TBC1D2: variants seen among roughly 807,000 people sequenced by gnomAD.
The protein encoded by TBC1D2 is TBC1 domain family member 2A.
Under a neutral mutation model 91.1 loss-of-function variants are expected in TBC1D2, and 58 were observed. The ratio of observed to expected loss-of-function variants is 0.64; its 90% confidence interval spans 0.52 to 0.79. The LOEUF (loss-of-function observed/expected upper bound fraction) is 0.79, where lower values mean the gene tolerates loss of function less well. Ranked by LOEUF, TBC1D2 falls within the 30% of genes least tolerant of loss-of-function variation. The pLI is 0.00. For synonymous variants in TBC1D2, 482 were observed against 511.5 expected, an observed-to-expected ratio of 0.94 and a Z score of 0.78; for missense variants, 1,080 against 1,208.3, an observed-to-expected ratio of 0.89 and a Z score of 1.57.
intron 5 of TBC1D2, among the ~76,000 whole-genome samples, chr9:98,224,035 T>TA (rs1262650396): frequency 6.6e-6 from 1 of 151,706 alleles, no homozygotes; most frequent in Admixed American, 6.6e-5. Context: ...CCGTCTCTAC[T>TA]AAAAATACAA....
At chr9:98,217,676 A>C (rs1275150461) in intron 6 of TBC1D2, among the ~76,000 whole-genome samples, 1 of 152,174 alleles carries the variant, frequency 6.6e-6, no homozygotes, top group East Asian at 1.9e-4. Context: ...AAAGCTAAAA[A>C]CTAAGGAACA....
At chr9:98,203,441 A>T in intron 9 of TBC1D2, 33 bp from the exon 10 acceptor site, 1 of 1,611,250 alleles carries the variant, frequency 6.2e-7, no homozygotes, top group Non-Finnish European at 8.5e-7. Context: ...GAGTGATTAC[A>T]GAAGCCGTGG....
In TBC1D2 at chr9:98,229,160, G is replaced by C. The variant is rs1292598112; in HGVS notation, c.782-12C>G. On this transcript the variant is annotated splice_polypyrimidine_tract_variant and intron_variant, in intron 4 of 12. Coordinates refer to ENST00000465784, the MANE Select transcript of TBC1D2 (RefSeq NM_001267571.2). ...CTCTGGCTCTCTCCCTGCTCAAGAG[G>C]AGAAACGCAGAAGTTATGACTGATG... The C allele has an allele frequency of 6.2e-7, 1 of 1,613,424 alleles. No individual in the cohort carries two copies. The highest frequency in any genetic ancestry group is 8.5e-7 in the Non-Finnish European group (1 of 1,179,650).
chr9:98,205,942 A>G (rs947579139), intron 9 of TBC1D2, among the ~76,000 whole-genome samples: 1 of 152,108 alleles, frequency 6.6e-6, no homozygotes, highest in Admixed American at 6.5e-5. Context: ...TAGAGCCTCC[A>G]AAAGAATACG....
chr9:98,245,776 T>C (rs982088771), intron 2 of TBC1D2, among the ~76,000 whole-genome samples: 1 of 152,148 alleles, frequency 6.6e-6, no homozygotes, highest in Non-Finnish European at 1.5e-5. Flanking sequence ...TATGTATTTA[T>C]CAAAAATAGA....
At chr9:98,204,559 G>A (rs10818608) in intron 9 of TBC1D2, among the ~76,000 whole-genome samples, 13,065 of 152,238 alleles carry the variant, frequency 0.086, 749 homozygotes, top group Non-Finnish European at 0.13. Context: ...GCTTCTTTGG[G>A]TTCTCTCTAG....
intron 3 of TBC1D2, among the ~76,000 whole-genome samples, chr9:98,243,153 T>C (rs978917526): frequency 4.0e-5 from 6 of 151,882 alleles, no homozygotes; most frequent in Non-Finnish European, 8.8e-5. Flanking sequence ...TAATATATTA[T>C]TAAATAACAA....
chr9:98,209,974 G>A (rs966093772), intron 8 of TBC1D2, among the ~76,000 whole-genome samples: 5 of 149,962 alleles, frequency 3.3e-5, no homozygotes, highest in South Asian at 4.2e-4. Context: ...GACTACAGGC[G>A]TGCACCACCA....
At chr9:98,242,911 T>A (rs1431439026) in intron 3 of TBC1D2, among the ~76,000 whole-genome samples, 3 of 148,302 alleles carry the variant, frequency 2.0e-5, no homozygotes, top group Non-Finnish European at 4.4e-5. Context: ...TTCCTGGGCT[T>A]GGGATTACAG....
At chr9:98,231,895 G>A (rs929076562) in intron 4 of TBC1D2, among the ~76,000 whole-genome samples, 2 of 152,146 alleles carry the variant, frequency 1.3e-5, no homozygotes, top group Non-Finnish European at 2.9e-5. Flanking sequence ...GTCACAGCAT[G>A]GTATATTCCT....
intron 2 of TBC1D2, 67 bp from the exon 3 acceptor site, chr9:98,244,196 A>G (rs1410195164): frequency 3.1e-6 from 5 of 1,588,236 alleles, no homozygotes; most frequent in Non-Finnish European, 3.4e-6. Context: ...GTCAGGTGGG[A>G]TGCTATGGGT....
At chr9:98,209,732 TC>T (rs1180567462) in intron 8 of TBC1D2, among the ~76,000 whole-genome samples, 4 of 149,168 alleles carry the variant, frequency 2.7e-5, no homozygotes, top group South Asian at 2.2e-4. Flanking sequence ...CTTCCTTCCT[TC>T]CTTCTTTCCT....
chr9:98,232,342 G>GTTTTTTTTTGTTTTTTTTT (rs1829390975), intron 4 of TBC1D2, among the ~76,000 whole-genome samples: 1 of 86,774 alleles, frequency 1.2e-5, no homozygotes. Context: ...CTCTTTTTCT[G>GTTTTTTTTTGTTTTTTTTT]TTTTTTTTTT....
At chr9:98,210,337 T>C (rs578233145) in intron 8 of TBC1D2, among the ~76,000 whole-genome samples, 34 of 152,278 alleles carry the variant, frequency 2.2e-4, no homozygotes, top group African/African-American at 8.2e-4. Context: ...GCAGAGGAGA[T>C]GGCCTGCTTG....
In TBC1D2 at chr9:98,224,015, T is replaced by A. The variant is rs7864256; in HGVS notation, c.979-2787A>T. Among the ~76,000 whole-genome samples, 5 of 151,758 alleles carry A rather than the reference T, an allele frequency of 3.3e-5. No homozygotes were observed. The East Asian group carries it at 7.9e-4, about 24-fold the overall frequency. On this transcript the variant is annotated intron_variant, in intron 5 of 12. Transcript: ENST00000465784. Reference sequence around the variant, plus strand: ...GAGATCGAGACCATCCTGGCTAACATGGTGAAACCCCGTCTCTACTAAAAA... The same window carrying A: ...GAGATCGAGACCATCCTGGCTAACAAGGTGAAACCCCGTCTCTACTAAAAA...
intron 8 of TBC1D2, among the ~76,000 whole-genome samples, chr9:98,209,663 C>T (rs1242543653): frequency 6.6e-6 from 1 of 152,166 alleles, no homozygotes; most frequent in Admixed American, 6.5e-5. Flanking sequence ...CCTGCACTAT[C>T]TCATTTAATC....
At chr9:98,219,844 T>A (rs1305831457) in intron 6 of TBC1D2, among the ~76,000 whole-genome samples, 7 of 152,092 alleles carry the variant, frequency 4.6e-5, no homozygotes, top group Non-Finnish European at 8.8e-5. Context: ...TGGTTGTGAG[T>A]GGCAGGGTTT....
chr9:98,203,158 A>G, intron 10 of TBC1D2, 130 bp downstream of exon 10: 2 of 1,374,290 alleles, frequency 1.5e-6, no homozygotes, highest in Admixed American at 2.2e-5. Flanking sequence ...AGCCAAATGC[A>G]CTCCCACAGT....
Position 98,199,351 on chromosome 9 carries a change from G to A in TBC1D2, c.*30C>T, listed in dbSNP as rs1484109191. The A allele has an allele frequency of 1.9e-6, 3 of 1,611,396 alleles. No homozygotes were observed. The highest frequency in any genetic ancestry group is 2.5e-6 in the Non-Finnish European group (3 of 1,179,280). On this transcript the variant is annotated 3_prime_UTR_variant, in exon 13 of 13. Transcript: ENST00000465784. ...CAGTGGGTCTGCCAGCCAAGGGTGAGGAAGGCTGTGGGGAGGGGAGGTGGC... is the reference window on the plus strand; with the variant it reads ...CAGTGGGTCTGCCAGCCAAGGGTGAAGAAGGCTGTGGGGAGGGGAGGTGGC...
Sources: gnomAD v4.1 joint callset for allele counts (sites outside exome capture counted in the v4.1 genomes callset) on GRCh38, gnomAD v4.1.1 for gene constraint, MANE v1.5 for transcripts, NCBI Gene and HGNC (gene_info 2026-07-23, HGNC 2026-07-21) for gene names.